Variants in CAT observed in about 807,000 individuals in gnomAD.
CAT encodes catalase.
CAT carries 43 observed loss-of-function variants against 59.0 expected under a neutral mutation model. The observed-to-expected ratio is 0.73, with a 90% CI of 0.57 to 0.94. CAT has a LOEUF of 0.94. Among genes scored for constraint, CAT ranks in the 40% least tolerant of loss-of-function variants. CAT has a pLI of 0.00. For synonymous variants in CAT, 218 were observed against 230.9 expected (o/e 0.94, Z 0.51); for missense variants, 664 against 682.9 (o/e 0.97, Z 0.31).
intron 2 of CAT, among the ~76,000 whole-genome samples, chr11:34,450,129 A>C (rs890133068): frequency 1.5e-4 from 23 of 152,342 alleles, no homozygotes; most frequent in African/African-American, 5.5e-4. Context: ...TTTTTTTCTC[A>C]TCAACGTTAT....
chr11:34,470,235 A>G (rs1322951825), intron 11 of CAT, among the ~76,000 whole-genome samples: 2 of 152,122 alleles, frequency 1.3e-5, no homozygotes, highest in Non-Finnish European at 2.9e-5. Context: ...TGATTTACTT[A>G]TGATTACCAA....
intron 1 of CAT, among the ~76,000 whole-genome samples, chr11:34,443,257 T>G (rs1856412999): frequency 6.6e-6 from 1 of 152,148 alleles, no homozygotes; most frequent in South Asian, 2.1e-4. Context: ...AGAATCAGAG[T>G]GTCCTATTTT....
chr11:34,471,026 T>A lies in CAT; in HGVS notation c.1503T>A (p.Asn501Lys). 6.2e-7 allele frequency: 1 copy of A among 1,614,150 alleles called. No individual in the cohort carries two copies. Among genetic ancestry groups the A allele is most frequent in the Non-Finnish European group, 8.5e-7 (1 of 1,179,994 alleles). Residue 501 changes from asparagine to lysine, a missense_variant, in exon 12 of 13, where the codon AAT becomes AAA. Physicochemically the swap from Asn to Lys is moderately conservative, Grantham distance 94 (BLOSUM62 0). Coordinates refer to ENST00000241052, the MANE Select transcript of CAT (RefSeq NM_001752.4). Reference protein sequence around the residue: ...SHIQALLDKYNAEKPKNAIHT... With the variant: ...SHIQALLDKYKAEKPKNAIHT... ...TCCAGGCTCTTCTGGACAAGTACAA[T>A]GCTGAGAAGCCTAAGGTAAGCTGGG...
chr11:34,445,522 A>AAAG (rs1856441888), intron 1 of CAT, among the ~76,000 whole-genome samples: 1 of 147,724 alleles, frequency 6.8e-6, no homozygotes, highest in South Asian at 2.2e-4. Flanking sequence ...AAAAAAAAAA[A>AAAG]GAAAAACAGT....
chr11:34,454,320 T>C (rs935571017), intron 6 of CAT, among the ~76,000 whole-genome samples: 8 of 152,238 alleles, frequency 5.3e-5, no homozygotes, highest in Non-Finnish European at 1.2e-4. Flanking sequence ...TCAAATCAGT[T>C]ACATCTGGGG....
intron 4 of CAT, among the ~76,000 whole-genome samples, chr11:34,452,538 T>TGTGTGTGC (rs1019836454): frequency 2.0e-5 from 3 of 150,620 alleles, no homozygotes; most frequent in African/African-American, 7.3e-5. Flanking sequence ...CAGGAGGGGG[T>TGTGTGTGC]GTGTGTGCGT....
chr11:34,463,883 G>A (rs1856681418), intron 9 of CAT, among the ~76,000 whole-genome samples: 1 of 152,178 alleles, frequency 6.6e-6, no homozygotes, highest in African/African-American at 2.4e-5. Context: ...GCGGCAGCCT[G>A]TGCAAGCATT....
At chr11:34,440,974 G>C (rs1856383907) in intron 1 of CAT, among the ~76,000 whole-genome samples, 1 of 152,160 alleles carries the variant, frequency 6.6e-6, no homozygotes, top group Admixed American at 6.5e-5. Flanking sequence ...GTGAGAAATG[G>C]CTGACTCCAA....
chr11:34,468,221 G>C, intron 10 of CAT, 67 bp from the exon 11 acceptor site: 1 of 1,033,418 alleles, frequency 9.7e-7, no homozygotes, highest in Non-Finnish European at 1.5e-6. Context: ...AAGTGTTGTA[G>C]TAGGTGAATT....
chr11:34,451,091 C>T lies in CAT; in HGVS notation c.342C>T (p.Ser114=). Residue 114 remains serine (S), a synonymous_variant, in exon 3 of 13, where the codon TCC becomes TCT. Transcript: ENST00000241052. ...GKKTPIAVRF[S]TVAGESGSAD... ...AGACTCCCATCGCAGTTCGGTTCTC[C>T]ACTGTTGGTAAGTTGGTTTATTGGC... 6.3e-7 allele frequency: 1 copy of T among 1,596,240 alleles called. No individual in the cohort carries two copies. Among genetic ancestry groups the T allele is most frequent in the Non-Finnish European group, 8.6e-7 (1 of 1,163,632 alleles).
chr11:34,455,656 C>A (rs1449791071), intron 6 of CAT, among the ~76,000 whole-genome samples: 1 of 151,810 alleles, frequency 6.6e-6, no homozygotes, highest in Non-Finnish European at 1.5e-5. Flanking sequence ...GGCAAGTAGT[C>A]CTTTAATTTT....
chr11:34,439,338 T>G (rs1487004288), intron 1 of CAT, among the ~76,000 whole-genome samples: 2 of 152,166 alleles, frequency 1.3e-5, no homozygotes, highest in African/African-American at 4.8e-5. Context: ...TTTGCACTTT[T>G]GCCAACTGGG....
intron 2 of CAT, among the ~76,000 whole-genome samples, chr11:34,450,747 C>G (rs1253700132): frequency 1.3e-5 from 2 of 152,226 alleles, no homozygotes; most frequent in Non-Finnish European, 2.9e-5. Context: ...TCTAGCCTCA[C>G]TCACCTCCTT....
rs71457350 is a variant in CAT at position 34,466,780 on chromosome 11, C to CAA, written c.1327-1485_1327-1484dup. 9.3e-3 allele frequency among the ~76,000 whole-genome samples: 379 copies of CAA among 40,540 alleles called. 2 individuals carry two copies. Among genetic ancestry groups the CAA allele is most frequent in the Middle Eastern group, 0.06 (3 of 50 alleles). 26.6% of individuals were successfully genotyped at this position (40,540 alleles called of 152,430 possible). A position where few individuals can be genotyped will look rare whatever the true frequency, so the allele number is the denominator to read the frequency against. On this transcript the variant is annotated intron_variant, in intron 10 of 12. Transcript: ENST00000241052. ...TGGGCGACAGAGCGAGACTCCGTCT[C>CAA]AAAAAAAAAAAAAAAAAAAAAAAAG...
At chr11:34,457,631 A>T (rs1235615513) in intron 8 of CAT, among the ~76,000 whole-genome samples, 1 of 152,210 alleles carries the variant, frequency 6.6e-6, no homozygotes, top group Non-Finnish European at 1.5e-5. Flanking sequence ...CACCTTGCTA[A>T]TGTTAAGCCA....
Position 34,443,019 on chromosome 11 carries a change from G to A in CAT, c.66+3940G>A, listed in dbSNP as rs372779528. 1.6e-4 allele frequency among the ~76,000 whole-genome samples: 25 copies of A among 152,238 alleles called. No individual in the cohort carries two copies. In the South Asian group the frequency reaches 5.0e-3, roughly 30 times the overall value. ...AACATAATTTCTTTTTAAAGAATAT[G>A]TCATTTTTACTTTCTGACATTAAGA... On this transcript the variant is annotated intron_variant, in intron 1 of 12. Transcript: ENST00000241052.
intron 8 of CAT, chr11:34,460,962 C>T: frequency 2.2e-6 from 1 of 453,210 alleles, no homozygotes; most frequent in Non-Finnish European, 4.1e-6. Context: ...CTGTATAAGA[C>T]AAGACACTAA....
chr11:34,464,173 A>C lies in CAT; in HGVS notation c.1264A>C (p.Ser422Arg). The C allele has an allele frequency of 1.2e-6, 2 of 1,613,850 alleles. No individual in the cohort carries two copies. Among genetic ancestry groups the C allele is most frequent in the Non-Finnish European group, 1.7e-6 (2 of 1,179,674 alleles). ...ACAACAGCCTTCTGCCCTGGAGCAC[A>C]GCATCCAATATTCTGGAGAAGTGCG... ...PEQQPSALEH[S>R]IQYSGEVRRF... The change falls in exon 10 of 13, where the codon AGC (serine) becomes CGC (arginine). Residue 422 changes from serine (S) to arginine (R), a missense_variant. By Grantham distance (110) the Ser-to-Arg change is moderately radical. Transcript: ENST00000241052.
intron 1 of CAT, among the ~76,000 whole-genome samples, chr11:34,440,487 C>T (rs916843269): frequency 2.0e-5 from 3 of 152,120 alleles, no homozygotes; most frequent in African/African-American, 4.8e-5. Flanking sequence ...CATGAATACT[C>T]GGTGAATTGA....
Sources: gnomAD v4.1 joint callset for allele counts (sites outside exome capture counted in the v4.1 genomes callset) on GRCh38, gnomAD v4.1.1 for gene constraint, MANE v1.5 for transcripts, NCBI Gene and HGNC (gene_info 2026-07-23, HGNC 2026-07-21) for gene names.